Variants in PPM1L observed in about 807,000 individuals in gnomAD.
PPM1L encodes the protein protein phosphatase 1L.
PPM1L carries 13 observed loss-of-function variants against 31.4 expected under a neutral mutation model. That is an observed-to-expected ratio of 0.41 (90% confidence interval 0.27 to 0.66). The LOEUF (loss-of-function observed/expected upper bound fraction) is 0.66, where lower values mean the gene tolerates loss of function less well. Among genes scored for constraint, PPM1L ranks in the 30% least tolerant of loss-of-function variants. The pLI is 0.29. For missense variants in PPM1L, 326 were observed against 453.7 expected, an observed-to-expected ratio of 0.72 and a Z score of 2.56; for synonymous variants, 184 against 175.4, an observed-to-expected ratio of 1.05 and a Z score of -0.39.
chr3:160,972,211 T>A (rs1421361249), intron 2 of PPM1L, among the ~76,000 whole-genome samples: 2 of 152,138 alleles, frequency 1.3e-5, no homozygotes, highest in African/African-American at 4.8e-5. Context: ...TCTTTTTTTT[T>A]ATTATACTTT....
intron 1 of PPM1L, among the ~76,000 whole-genome samples, chr3:160,839,515 C>G (rs1021795128): frequency 6.6e-6 from 1 of 152,160 alleles, no homozygotes; most frequent in Non-Finnish European, 1.5e-5. Context: ...ATCAGGCTTT[C>G]TTAGCCTGAT....
chr3:160,817,026 T>G (rs768907241), intron 1 of PPM1L, among the ~76,000 whole-genome samples: 15 of 151,956 alleles, frequency 9.9e-5, no homozygotes, highest in African/African-American at 3.6e-4. Flanking sequence ...GAAAAGACAA[T>G]GAGTATAAGA....
chr3:160,914,208 ACATGTATTTTTGTGAAGCAT>A (rs1714075112), intron 1 of PPM1L, among the ~76,000 whole-genome samples: 2 of 152,140 alleles, frequency 1.3e-5, no homozygotes, highest in Non-Finnish European at 2.9e-5. Context: ...GGCCATTCAT[ACATGTATTTTTGTGAAGCAT>A]CTGTTCAAAT....
chr3:160,777,226 T>C (rs949097624), intron 1 of PPM1L, among the ~76,000 whole-genome samples: 2 of 151,922 alleles, frequency 1.3e-5, no homozygotes, highest in Non-Finnish European at 2.9e-5. Context: ...GTGAGGATGA[T>C]GCGGAGGTTG....
At chr3:161,046,777 G>A (rs1719094696) in intron 2 of PPM1L, among the ~76,000 whole-genome samples, 2 of 152,126 alleles carry the variant, frequency 1.3e-5, no homozygotes, top group African/African-American at 2.4e-5. Context: ...ATGAAAGGCT[G>A]GTTCAACATA....
chr3:160,954,519 C>T (rs901341000), intron 1 of PPM1L, among the ~76,000 whole-genome samples: 3 of 151,882 alleles, frequency 2.0e-5, no homozygotes, highest in African/African-American at 7.3e-5. Flanking sequence ...CGTGCCATCA[C>T]GCCTGGCTGT....
chr3:160,842,345 TA>T, intron 1 of PPM1L: 1 of 700,108 alleles, frequency 1.4e-6, no homozygotes, highest in Non-Finnish European at 2.6e-6. Flanking sequence ...GGGTAATGAA[TA>T]ATGGGAAATA....
At chr3:160,936,863 T>C (rs1714988939) in intron 1 of PPM1L, among the ~76,000 whole-genome samples, 1 of 152,226 alleles carries the variant, frequency 6.6e-6, no homozygotes, top group Non-Finnish European at 1.5e-5. Context: ...TTGATAGTTA[T>C]ACAGTGTTTG....
chr3:161,056,056 C>G, intron 2 of PPM1L, among the ~76,000 whole-genome samples: 1 of 152,120 alleles, frequency 6.6e-6, no homozygotes, highest in Non-Finnish European at 1.5e-5. Context: ...TAAGGATTCT[C>G]AGGACTCCAA....
intron 2 of PPM1L, among the ~76,000 whole-genome samples, chr3:161,046,725 A>T (rs1719093194): frequency 6.6e-6 from 1 of 152,194 alleles, no homozygotes; most frequent in East Asian, 1.9e-4. Flanking sequence ...GCAGCACATC[A>T]AAAAGTTTAT....
chr3:160,861,858 C>T (rs957059280), intron 1 of PPM1L, among the ~76,000 whole-genome samples: 2 of 152,172 alleles, frequency 1.3e-5, no homozygotes, highest in Admixed American at 6.5e-5. Flanking sequence ...GTGTAGCCAC[C>T]TTCTAGCAAT....
intron 3 of PPM1L, among the ~76,000 whole-genome samples, chr3:161,067,340 T>G (rs902128129): frequency 6.6e-6 from 1 of 152,252 alleles, no homozygotes; most frequent in East Asian, 1.9e-4. Flanking sequence ...ATTTGATCAA[T>G]TGCATATTTT....
At chr3:160,922,905 C>T (rs1287372946) in intron 1 of PPM1L, among the ~76,000 whole-genome samples, 1 of 152,124 alleles carries the variant, frequency 6.6e-6, no homozygotes, top group Non-Finnish European at 1.5e-5. Context: ...TGACCATATC[C>T]TAATATTGAA....
In PPM1L at chr3:160,993,841, T is replaced by C. The variant is rs2108045970; in HGVS notation, c.574+31931T>C. On this transcript the variant is annotated intron_variant, in intron 2 of 3. Coordinates refer to ENST00000498165, the MANE Select transcript of PPM1L (RefSeq NM_139245.4). ...ATACAGACAGACAGTGTTTATACCCTGTCCCCTCTTTTGATGACAAAGCCA... is the reference window on the plus strand; with the variant it reads ...ATACAGACAGACAGTGTTTATACCCCGTCCCCTCTTTTGATGACAAAGCCA... Among the ~76,000 whole-genome samples the C allele has an allele frequency of 1.3e-5, 2 of 152,302 alleles. 1 individual carries two copies. Among genetic ancestry groups the C allele is most frequent in the South Asian group, 4.2e-4 (2 of 4,818 alleles).
In PPM1L at chr3:160,801,733, T is replaced by G. The variant is rs151298483; in HGVS notation, c.399+45026T>G. Among the ~76,000 whole-genome samples, 619 of 152,320 alleles carry G rather than the reference T, an allele frequency of 4.1e-3. 2 individuals are homozygous for G. Among genetic ancestry groups the G allele is most frequent in the Non-Finnish European group, 6.9e-3 (467 of 68,020 alleles). The stretch of plus-strand genomic sequence containing the variant: ...AAACTGTGTCCCTGCCTCTAGTGCA[T>G]TTCCCTTTTAGTATTTTTCCTCTCC... On this transcript the variant is annotated intron_variant, in intron 1 of 3. Coordinates refer to ENST00000498165, the MANE Select transcript of PPM1L (RefSeq NM_139245.4).
intron 1 of PPM1L, among the ~76,000 whole-genome samples, chr3:160,916,562 A>C (rs967062444): frequency 3.3e-5 from 5 of 152,184 alleles, no homozygotes; most frequent in Admixed American, 1.3e-4. Context: ...TTCAACGTGC[A>C]TGATCTCAGA....
At chr3:160,922,106 C>G (rs13320968) in intron 1 of PPM1L, among the ~76,000 whole-genome samples, 3 of 152,042 alleles carry the variant, frequency 2.0e-5, no homozygotes, top group Admixed American at 6.5e-5. Flanking sequence ...GTCAGGAGAT[C>G]AAGACCATCC....
At chr3:160,927,442 C>T (rs1243918460) in intron 1 of PPM1L, among the ~76,000 whole-genome samples, 2 of 152,114 alleles carry the variant, frequency 1.3e-5, no homozygotes, top group Non-Finnish European at 2.9e-5. Context: ...CCCTACATAG[C>T]ATTTTTTTTC....
chr3:160,812,720 G>A (rs1464699170), intron 1 of PPM1L, among the ~76,000 whole-genome samples: 1 of 152,124 alleles, frequency 6.6e-6, no homozygotes, highest in African/African-American at 2.4e-5. Flanking sequence ...GGGATTGCTT[G>A]GCAAGTAGCC....
Sources: gnomAD v4.1 joint callset for allele counts (sites outside exome capture counted in the v4.1 genomes callset) on GRCh38, gnomAD v4.1.1 for gene constraint, MANE v1.5 for transcripts, NCBI Gene and HGNC (gene_info 2026-07-23, HGNC 2026-07-21) for gene names.